CPNE4: variants seen among roughly 807,000 people sequenced by gnomAD.
The protein encoded by CPNE4 is copine-4.
A neutral mutation model predicts 67.9 loss-of-function variants in CPNE4; 25 were observed. That is an observed-to-expected ratio of 0.37 (90% CI 0.27 to 0.51). The LOEUF (loss-of-function observed/expected upper bound fraction) is 0.51. Among genes scored for constraint, CPNE4 ranks in the 20% least tolerant of loss-of-function variants. The pLI, the probability that CPNE4 is intolerant of heterozygous loss-of-function variation, is 0.93. For synonymous variants in CPNE4, 242 were observed against 244.9 expected (o/e 0.99, Z 0.11); for missense variants, 464 against 690.8 (o/e 0.67, Z 3.68).
chr3:131,730,954 A>G (rs1159148535), intron 2 of CPNE4, among the ~76,000 whole-genome samples: 1 of 152,202 alleles, frequency 6.6e-6, no homozygotes. Context: ...ACACCATTCT[A>G]CTTAAGAAAC....
At chr3:131,600,538 T>C (rs1425303431) in intron 7 of CPNE4, among the ~76,000 whole-genome samples, 1 of 152,176 alleles carries the variant, frequency 6.6e-6, no homozygotes, top group Non-Finnish European at 1.5e-5. Flanking sequence ...TTATAAATAT[T>C]GGGCATACCA....
At chr3:131,540,891 A>G (rs1427385001) in intron 15 of CPNE4, among the ~76,000 whole-genome samples, 1 of 152,182 alleles carries the variant, frequency 6.6e-6, no homozygotes, top group Non-Finnish European at 1.5e-5. Context: ...TTAATGACTC[A>G]GGTGACAGAG....
At chr3:131,916,103 G>A (rs914411751) in intron 1 of CPNE4, among the ~76,000 whole-genome samples, 1 of 151,990 alleles carries the variant, frequency 6.6e-6, no homozygotes, top group African/African-American at 2.4e-5. Flanking sequence ...CATACCAAAG[G>A]CAACTATAGT....
intron 3 of CPNE4, among the ~76,000 whole-genome samples, chr3:131,717,200 G>T (rs2081719226): frequency 1.3e-5 from 2 of 151,120 alleles, no homozygotes; most frequent in Non-Finnish European, 2.9e-5. Context: ...AAATGCATTT[G>T]TCTGGCATAT....
At chr3:131,803,523 T>C (rs1012823303) in intron 2 of CPNE4, among the ~76,000 whole-genome samples, 4 of 152,220 alleles carry the variant, frequency 2.6e-5, no homozygotes, top group African/African-American at 9.6e-5. Context: ...TCTGAAGGCA[T>C]AGACATCTGG....
intron 3 of CPNE4, among the ~76,000 whole-genome samples, chr3:131,700,691 G>A (rs949628714): frequency 6.6e-6 from 1 of 152,170 alleles, no homozygotes; most frequent in Non-Finnish European, 1.5e-5. Flanking sequence ...GGAGAAAAGG[G>A]CTAAAAGGTC....
chr3:131,629,787 A>T (rs2079172376), intron 7 of CPNE4, among the ~76,000 whole-genome samples: 1 of 152,068 alleles, frequency 6.6e-6, no homozygotes, highest in Non-Finnish European at 1.5e-5. Flanking sequence ...AAAATCCCCA[A>T]ATCTGTGTGA....
At chr3:131,560,289 G>T (rs1936692410) in intron 11 of CPNE4, among the ~76,000 whole-genome samples, 1 of 152,054 alleles carries the variant, frequency 6.6e-6, no homozygotes, top group African/African-American at 2.4e-5. Flanking sequence ...GACAACAGAG[G>T]TAGCAGAGCT....
chr3:131,947,666 T>C (rs1467401041), intron 1 of CPNE4, among the ~76,000 whole-genome samples: 1 of 152,242 alleles, frequency 6.6e-6, no homozygotes, highest in Non-Finnish European at 1.5e-5. Flanking sequence ...TTCCAAGTCT[T>C]TGCTATTGTA....
chr3:131,996,674 G>T (rs913604258), intron 1 of CPNE4, among the ~76,000 whole-genome samples: 2 of 151,856 alleles, frequency 1.3e-5, no homozygotes, highest in Non-Finnish European at 2.9e-5. Flanking sequence ...CTCCTGACAG[G>T]TTATGAGCTA....
intron 7 of CPNE4, among the ~76,000 whole-genome samples, chr3:131,601,367 C>G (rs1462115695): frequency 1.3e-5 from 2 of 152,082 alleles, no homozygotes; most frequent in African/African-American, 4.8e-5. Flanking sequence ...TTTCATCCCT[C>G]AAGATGCTGA....
chr3:131,580,443 TATACATATACATATACAC>T (rs1397836569), intron 9 of CPNE4, among the ~76,000 whole-genome samples: 6 of 120,688 alleles, frequency 5.0e-5, no homozygotes, highest in African/African-American at 1.8e-4. Context: ...TACATATACA[TATACATATACATATACAC>T]ATATATGTAT....
intron 1 of CPNE4, among the ~76,000 whole-genome samples, chr3:131,984,316 C>A (rs564381182): frequency 6.6e-6 from 1 of 152,080 alleles, no homozygotes; most frequent in Non-Finnish European, 1.5e-5. Flanking sequence ...ACAACAGTAC[C>A]GTTTCCCATT....
At chr3:131,806,817 A>T (rs950116695) in intron 2 of CPNE4, among the ~76,000 whole-genome samples, 1 of 152,184 alleles carries the variant, frequency 6.6e-6, no homozygotes, top group Non-Finnish European at 1.5e-5. Flanking sequence ...AGGAAGAATG[A>T]ATGTCACAAA....
chr3:131,875,664 C>A (rs2087414144), intron 2 of CPNE4, among the ~76,000 whole-genome samples: 1 of 149,002 alleles, frequency 6.7e-6, no homozygotes, highest in South Asian at 2.1e-4. Context: ...GGGAACATCA[C>A]ACACCCAGGC....
chr3:131,914,886 G>T (rs776108293), intron 1 of CPNE4, among the ~76,000 whole-genome samples: 1 of 152,164 alleles, frequency 6.6e-6, no homozygotes, highest in Non-Finnish European at 1.5e-5. Context: ...TGAGGCAGGA[G>T]AATCGCTTGA....
chr3:131,646,682 A>G (rs969738452), intron 7 of CPNE4, among the ~76,000 whole-genome samples: 2 of 152,254 alleles, frequency 1.3e-5, no homozygotes, highest in Non-Finnish European at 2.9e-5. Context: ...GCATGCCTGC[A>G]ACAAAATATC....
Position 131,953,741 on chromosome 3 carries a change from A to C in CPNE4, c.-1-48297T>G, listed in dbSNP as rs565254224. Among the ~76,000 whole-genome samples the C allele has an allele frequency of 2.0e-4, 30 of 152,340 alleles. No homozygotes were observed. The South Asian group carries it at 3.9e-3, about 20-fold the overall frequency. On this transcript the variant is annotated intron_variant, in intron 1 of 15. Transcript: ENST00000429747. ...TAGAGAGTAGAATGATGCTTATCAAAAGGTGGGAAGGATGAATGGGGGTGA... is the reference window on the plus strand; with the variant it reads ...TAGAGAGTAGAATGATGCTTATCAACAGGTGGGAAGGATGAATGGGGGTGA...
intron 2 of CPNE4, among the ~76,000 whole-genome samples, chr3:131,794,310 T>C (rs548090482): frequency 3.3e-5 from 5 of 151,932 alleles, no homozygotes; most frequent in Non-Finnish European, 7.4e-5. Context: ...TCATCTCAGC[T>C]CACTGCAACC....
Sources: gnomAD v4.1 joint callset for allele counts (sites outside exome capture counted in the v4.1 genomes callset) on GRCh38, gnomAD v4.1.1 for gene constraint, MANE v1.5 for transcripts, NCBI Gene and HGNC (gene_info 2026-07-23, HGNC 2026-07-21) for gene names.